The following CSGALNACT1 variants were observed in gnomAD, a reference collection of about 807,000 sequenced individuals.
CSGALNACT1 encodes beta4GalNAcT-1.
CSGALNACT1 carries 52 observed loss-of-function variants against 51.0 expected under a neutral mutation model. That is an observed-to-expected ratio of 1.02 (90% CI 0.82 to 1.29). CSGALNACT1 has a LOEUF of 1.29. CSGALNACT1 is among the 50% of genes most tolerant of loss of function. The pLI is 0.00. For synonymous variants in CSGALNACT1, 341 were observed against 254.4 expected, an observed-to-expected ratio of 1.34 and a Z score of -3.24; for missense variants, 935 against 679.2, an observed-to-expected ratio of 1.38 and a Z score of -4.19.
intron 1 of CSGALNACT1, among the ~76,000 whole-genome samples, chr8:19,743,962 A>G (rs1427755725): frequency 6.6e-6 from 1 of 151,900 alleles, no homozygotes; most frequent in Non-Finnish European, 1.5e-5. Context: ...CTCTAATAAG[A>G]AAGGAAAAAA....
At chr8:19,405,201 A>G (rs946543412) in exon 10 of CSGALNACT1, 2 of 448,810 alleles carry the variant, frequency 4.5e-6, no homozygotes, top group African/African-American at 4.0e-5. Context: ...ACAACCAAAA[A>G]GATAAGCAGA....
intron 1 of CSGALNACT1, among the ~76,000 whole-genome samples, chr8:19,669,801 T>G (rs1426289767): frequency 1.3e-5 from 2 of 152,222 alleles, no homozygotes; most frequent in Admixed American, 1.3e-4. Flanking sequence ...AGAAGCCATT[T>G]CTAATGTTGT....
chr8:19,697,669 G>A (rs755493851), intron 1 of CSGALNACT1, among the ~76,000 whole-genome samples: 2 of 152,158 alleles, frequency 1.3e-5, no homozygotes, highest in Non-Finnish European at 2.9e-5. Flanking sequence ...TGGGTCCAGC[G>A]GCTTCAGGGC....
intron 3 of CSGALNACT1, among the ~76,000 whole-genome samples, chr8:19,528,254 C>T (rs917929937): frequency 6.6e-6 from 1 of 151,624 alleles, no homozygotes; most frequent in Admixed American, 6.6e-5. Context: ...CATTTTCCGA[C>T]TCGTTCAGGA....
chr8:19,626,331 A>C (rs1433401174), intron 1 of CSGALNACT1, among the ~76,000 whole-genome samples: 4 of 152,202 alleles, frequency 2.6e-5, no homozygotes, highest in Non-Finnish European at 5.9e-5. Context: ...TGGAGGAAGG[A>C]GACTGTTTTC....
chr8:19,405,004 T>C (rs907698524), exon 10 of CSGALNACT1: 3 of 453,696 alleles, frequency 6.6e-6, no homozygotes, highest in Non-Finnish European at 1.3e-5. Context: ...TGGCATCAAT[T>C]TGATGCTTTG....
In CSGALNACT1 at chr8:19,667,029, AAGG is replaced by A. The variant is rs1350730723; in HGVS notation, c.-544+15441_-544+15443del. 1.1e-3 allele frequency among the ~76,000 whole-genome samples: 43 copies of A among 37,962 alleles called. 2 individuals carry two copies. The highest frequency in any genetic ancestry group is 5.1e-3 in the African/African-American group (28 of 5,446). 24.9% of individuals were successfully genotyped at this position (37,962 alleles called of 152,430 possible). ...AAAGAAAGAAAGAAAGGAAGGAAGG[AAGG>A]AAGGAAGGAAGAAAGAAAGAAAGAA... On this transcript the variant is annotated intron_variant, in intron 1 of 9. Transcript: ENST00000332246.
chr8:19,497,580 A>G (rs78066493), intron 4 of CSGALNACT1, among the ~76,000 whole-genome samples: 4,180 of 152,322 alleles, frequency 0.027, 183 homozygotes, highest in African/African-American at 0.095. Context: ...TCTAATGGAA[A>G]AGTGGACAAC....
chr8:19,570,211 G>C (rs1199786958), intron 3 of CSGALNACT1, among the ~76,000 whole-genome samples: 1 of 152,066 alleles, frequency 6.6e-6, no homozygotes, highest in Non-Finnish European at 1.5e-5. Context: ...CTTTATGTAA[G>C]TTATACCTCA....
intron 4 of CSGALNACT1, among the ~76,000 whole-genome samples, chr8:19,459,513 C>G (rs2064915653): frequency 6.6e-6 from 1 of 151,616 alleles, no homozygotes; most frequent in Non-Finnish European, 1.5e-5. Context: ...CCTCTGGAAG[C>G]TTCTAGAAGC....
intron 1 of CSGALNACT1, among the ~76,000 whole-genome samples, chr8:19,693,194 G>A: frequency 6.6e-6 from 1 of 152,108 alleles, no homozygotes; most frequent in Non-Finnish European, 1.5e-5. Context: ...AGGACCAGAG[G>A]AAGCCAGAGA....
At chr8:19,662,576 T>C (rs2058853151) in intron 1 of CSGALNACT1, among the ~76,000 whole-genome samples, 2 of 152,206 alleles carry the variant, frequency 1.3e-5, no homozygotes. Flanking sequence ...AGCAGTGTAC[T>C]CCTTTCTTAG....
At chr8:19,502,374 A>C (rs2076568644) in intron 4 of CSGALNACT1, among the ~76,000 whole-genome samples, 2 of 152,252 alleles carry the variant, frequency 1.3e-5, no homozygotes, top group Admixed American at 1.3e-4. Flanking sequence ...AAGGAGCCTA[A>C]GGGTCTTAGT....
intron 1 of CSGALNACT1, among the ~76,000 whole-genome samples, chr8:19,701,001 G>A (rs1201332315): frequency 6.6e-6 from 1 of 152,092 alleles, no homozygotes; most frequent in South Asian, 2.1e-4. Context: ...AGGAAGGAAT[G>A]TAAAGAGAGC....
At chr8:19,712,695 G>T (rs1197543387) in intron 1 of CSGALNACT1, among the ~76,000 whole-genome samples, 1 of 152,120 alleles carries the variant, frequency 6.6e-6, no homozygotes, top group South Asian at 2.1e-4. Context: ...GTGCCTTCCT[G>T]GCCAAAACAG....
intron 1 of CSGALNACT1, among the ~76,000 whole-genome samples, chr8:19,713,820 G>C (rs4922093): frequency 6.6e-6 from 1 of 151,982 alleles, no homozygotes; most frequent in Non-Finnish European, 1.5e-5. Flanking sequence ...ATTTCAATAC[G>C]TTTTTGCTAC....
At chr8:19,666,813 GAGAGAGAGAGAGAGAGAGAGA>G (rs2059248739) in intron 1 of CSGALNACT1, among the ~76,000 whole-genome samples, 1 of 23,914 alleles carries the variant, frequency 4.2e-5, no homozygotes, top group African/African-American at 2.0e-4. Flanking sequence ...GAAAGAAAGA[GAGAGAGAGAGAGAGAGAGAGA>G]AAGAAAGAAA....
At chr8:19,504,265 A>G (rs7828197) in intron 4 of CSGALNACT1, among the ~76,000 whole-genome samples, 57,338 of 151,712 alleles carry the variant, frequency 0.38, 11,024 homozygotes, top group South Asian at 0.44. Flanking sequence ...TTTAGTAGAG[A>G]TGGGGTTTCA....
At chr8:19,639,590 G>T (rs559336284) in intron 1 of CSGALNACT1, among the ~76,000 whole-genome samples, 2 of 152,100 alleles carry the variant, frequency 1.3e-5, no homozygotes, top group African/African-American at 4.8e-5. Context: ...CTCAAAATGG[G>T]TAATGAATAT....
Sources: allele counts gnomAD v4.1 joint callset (sites outside exome capture counted in the v4.1 genomes callset), GRCh38; gene constraint gnomAD v4.1.1; transcripts MANE v1.5; gene names NCBI Gene and HGNC (gene_info 2026-07-23, HGNC 2026-07-21).